The following ADGRV1 variants were observed in gnomAD, a reference collection of about 807,000 sequenced individuals.
ADGRV1 encodes the protein G-protein coupled receptor 98.
In ADGRV1, 359 loss-of-function variants were observed where a neutral mutation model predicts 596.2. The observed-to-expected ratio is 0.60, with a 90% CI of 0.55 to 0.66. The LOEUF (loss-of-function observed/expected upper bound fraction) is 0.66, where lower values mean the gene tolerates loss of function less well. ADGRV1 is among the 30% of genes least tolerant of loss of function. The probability of loss-of-function intolerance (pLI) is 0.00; values close to 1 mark genes in which losing one functional copy is unlikely to be tolerated. For missense variants in ADGRV1, 7,274 were observed against 7,575.6 expected (o/e 0.96, Z 1.48); for synonymous variants, 2,681 against 2,679.2 (o/e 1.00, Z -0.02).
chr5:90,855,351 CAAAG>C (rs1273782832), intron 81 of ADGRV1, among the ~76,000 whole-genome samples: 1 of 151,884 alleles, frequency 6.6e-6, no homozygotes, highest in East Asian at 1.9e-4. Flanking sequence ...AGAAAAAAAA[CAAAG>C]AAGAGTAAAC....
chr5:90,936,451 G>A (rs979922380), intron 83 of ADGRV1, among the ~76,000 whole-genome samples: 3 of 151,740 alleles, frequency 2.0e-5, no homozygotes, highest in Non-Finnish European at 2.9e-5. Flanking sequence ...TTTAAAATGC[G>A]TGCCTTTTTT....
chr5:90,881,605 T>G (rs1010965559), intron 83 of ADGRV1, among the ~76,000 whole-genome samples: 1 of 152,126 alleles, frequency 6.6e-6, no homozygotes, highest in Non-Finnish European at 1.5e-5. Flanking sequence ...GTGATGTATA[T>G]CAGGGATGGG....
At chr5:91,131,610 C>G (rs549754095) in intron 87 of ADGRV1, among the ~76,000 whole-genome samples, 19 of 151,800 alleles carry the variant, frequency 1.3e-4, no homozygotes, top group African/African-American at 4.6e-4. Flanking sequence ...GCCACCATGC[C>G]CGGCCTTTGT....
At chr5:90,929,893 G>A (rs1775057531) in intron 83 of ADGRV1, among the ~76,000 whole-genome samples, 1 of 152,086 alleles carries the variant, frequency 6.6e-6, no homozygotes, top group African/African-American at 2.4e-5. Context: ...GTATCCTACA[G>A]AAACATTAAG....
chr5:90,642,981 T>G lies in ADGRV1; in HGVS notation c.2493T>G (p.Phe831Leu). The change falls in exon 13 of 90, where the codon TTT becomes TTG. Residue 831 changes from phenylalanine (F) to leucine (L), a missense_variant. By Grantham distance (22) the Phe-to-Leu change is conservative. This residue lies in a region of ADGRV1 where 1,715 missense variants were observed against 1,708.8 expected (regional missense o/e 1.00). Coordinates refer to ENST00000405460, the MANE Select transcript of ADGRV1 (RefSeq NM_032119.4). ...ATGGAAACACGGGAGTACTAGAATTTAAACCTGGAGAAAGGGAGATAGTGA... is the reference window on the plus strand; with the variant it reads ...ATGGAAACACGGGAGTACTAGAATTGAAACCTGGAGAAAGGGAGATAGTGA... ...EFYGNTGVLE[F>L]KPGEREIVIT... 1 of 1,613,646 alleles carries G rather than the reference T, an allele frequency of 6.2e-7. No individual in the cohort carries two copies. Among genetic ancestry groups the G allele is most frequent in the Non-Finnish European group, 8.5e-7 (1 of 1,179,584 alleles).
At chr5:90,906,359 C>A (rs1258274082) in intron 83 of ADGRV1, among the ~76,000 whole-genome samples, 2 of 151,976 alleles carry the variant, frequency 1.3e-5, no homozygotes, top group Non-Finnish European at 2.9e-5. Context: ...AGGTCCTGGG[C>A]TGTTTTTTAC....
In ADGRV1 at chr5:91,054,102, T is replaced by TGTGA. The variant is rs1299621929; in HGVS notation, c.18153-18344_18153-18343insTGAG. Among the ~76,000 whole-genome samples, 802 of 126,724 alleles carry TGTGA rather than the reference T, an allele frequency of 6.3e-3. 8 individuals are homozygous for TGTGA. The highest frequency in any genetic ancestry group is 0.021 in the African/African-American group (681 of 31,748). 83.1% of individuals were successfully genotyped at this position (126,724 alleles called of 152,430 possible). On this transcript the variant is annotated intron_variant, in intron 85 of 89. Coordinates refer to ENST00000405460, the MANE Select transcript of ADGRV1 (RefSeq NM_032119.4). The stretch of plus-strand genomic sequence containing the variant: ...GTGTGTGTGTGTGTGTGTGTGTGTG[T>TGTGA]GAGAGAGAGAGAGAGAGAGAGAGAG...
intron 75 of ADGRV1, among the ~76,000 whole-genome samples, chr5:90,817,076 G>A (rs1762971829): frequency 6.6e-6 from 1 of 152,182 alleles, no homozygotes; most frequent in Non-Finnish European, 1.5e-5. Flanking sequence ...AGCACCTGTT[G>A]TTTCCTGACT....
At chr5:90,880,135 A>T (rs1581404581) in intron 83 of ADGRV1, among the ~76,000 whole-genome samples, 1 of 152,074 alleles carries the variant, frequency 6.6e-6, no homozygotes, top group Non-Finnish European at 1.5e-5. Flanking sequence ...CAATAGTGCT[A>T]TCAGTAGACA....
chr5:91,147,393 C>T (rs1795639589), intron 87 of ADGRV1, among the ~76,000 whole-genome samples: 1 of 152,126 alleles, frequency 6.6e-6, no homozygotes, highest in Non-Finnish European at 1.5e-5. Context: ...TATGTCCCCA[C>T]CCAAATCTCG....
intron 43 of ADGRV1, among the ~76,000 whole-genome samples, chr5:90,719,734 G>A (rs967913765): frequency 6.6e-6 from 1 of 152,166 alleles, no homozygotes; most frequent in Admixed American, 6.5e-5. Flanking sequence ...GATTAATCAA[G>A]TTATGTAGCC....
chr5:90,703,602 T>C, intron 34 of ADGRV1, 63 bp from the exon 35 acceptor site: 1 of 1,274,900 alleles, frequency 7.8e-7, no homozygotes, highest in South Asian at 1.4e-5. Flanking sequence ...TGGGTTTTGT[T>C]GAGTTCAAAT....
intron 50 of ADGRV1, among the ~76,000 whole-genome samples, chr5:90,734,962 G>GT (rs1159244502): frequency 3.3e-5 from 5 of 152,168 alleles, no homozygotes; most frequent in Admixed American, 6.5e-5. Context: ...GGTTTAAAAT[G>GT]TTTTTTCCCA....
chr5:91,000,545 CTTAA>C (rs1281464003), intron 85 of ADGRV1, among the ~76,000 whole-genome samples: 7 of 152,012 alleles, frequency 4.6e-5, no homozygotes, highest in African/African-American at 1.5e-4. Context: ...GCTAGTTAGT[CTTAA>C]TTGTTTTATT....
intron 87 of ADGRV1, among the ~76,000 whole-genome samples, chr5:91,146,022 A>G (rs1795507226): frequency 6.6e-6 from 1 of 152,156 alleles, no homozygotes; most frequent in African/African-American, 2.4e-5. Context: ...TTGCTTCTAC[A>G]CTCCCAGAAA....
chr5:90,780,878 T>C (rs1238670228), intron 64 of ADGRV1, among the ~76,000 whole-genome samples: 1 of 152,140 alleles, frequency 6.6e-6, no homozygotes, highest in Non-Finnish European at 1.5e-5. Context: ...TTTTTTAAAA[T>C]TAGTTTTTAG....
At chr5:90,627,904 C>G in intron 7 of ADGRV1, 128 bp downstream of exon 7, 2 of 468,132 alleles carry the variant, frequency 4.3e-6, no homozygotes, top group South Asian at 7.2e-5. Flanking sequence ...AGTTTCATGA[C>G]AAACTCAGAA....
At chr5:91,036,954 T>C (rs1413311294) in intron 85 of ADGRV1, among the ~76,000 whole-genome samples, 1 of 152,210 alleles carries the variant, frequency 6.6e-6, no homozygotes, top group Admixed American at 6.5e-5. Context: ...CTGATGGATC[T>C]GAAATACTAC....
chr5:91,071,305 GC>G (rs1410830965), intron 85 of ADGRV1, among the ~76,000 whole-genome samples: 1 of 152,044 alleles, frequency 6.6e-6, no homozygotes, highest in African/African-American at 2.4e-5. Context: ...TTTGTCATCA[GC>G]CCCATGGCCA....
Sources: gnomAD v4.1 joint callset for allele counts (sites outside exome capture counted in the v4.1 genomes callset) on GRCh38, gnomAD v4.1.1 for gene constraint, gnomAD v4.1.1 regional missense constraint, MANE v1.5 for transcripts, NCBI Gene and HGNC (gene_info 2026-07-23, HGNC 2026-07-21) for gene names.